Variants in TMEM45B observed in about 807,000 individuals in gnomAD.
TMEM45B encodes transmembrane protein 45B.
Under a neutral mutation model 27.3 loss-of-function variants are expected in TMEM45B, and 29 were observed. The ratio of observed to expected loss-of-function variants is 1.06; its 90% CI spans 0.79 to 1.45. The LOEUF is 1.45. Ranked by LOEUF, TMEM45B falls within the 40% of genes most tolerant of loss-of-function variation. The pLI, the probability that TMEM45B is intolerant of heterozygous loss-of-function variation, is 0.00. For missense variants in TMEM45B, 348 were observed against 343.9 expected, an observed-to-expected ratio of 1.01 and a Z score of -0.09; for synonymous variants, 143 against 134.7, an observed-to-expected ratio of 1.06 and a Z score of -0.43.
At chr11:129,822,768 T>C (rs1947433857) in intron 1 of TMEM45B, among the ~76,000 whole-genome samples, 1 of 152,176 alleles carries the variant, frequency 6.6e-6, no homozygotes, top group African/African-American at 2.4e-5. Context: ...GAAAACTCTT[T>C]GACTACATGT....
chr11:129,841,562 A>C (rs968094997), intron 1 of TMEM45B, among the ~76,000 whole-genome samples: 9 of 150,906 alleles, frequency 6.0e-5, no homozygotes, highest in African/African-American at 2.2e-4. Context: ...TTGGAAGTGT[A>C]ATGGGCTTGA....
chr11:129,837,585 C>CCTTTT (rs1947636610), intron 1 of TMEM45B, among the ~76,000 whole-genome samples: 1 of 80,294 alleles, frequency 1.2e-5, no homozygotes, highest in African/African-American at 4.3e-5. Flanking sequence ...CTGCACTGGG[C>CCTTTT]TTTTTTTTTT....
intron 1 of TMEM45B, among the ~76,000 whole-genome samples, chr11:129,835,469 A>C (rs1429752355): frequency 6.6e-6 from 1 of 152,222 alleles, no homozygotes; most frequent in Non-Finnish European, 1.5e-5. Flanking sequence ...GGACCAAAGG[A>C]GACAGAAATA....
At chr11:129,837,776 T>C (rs1226387756) in intron 1 of TMEM45B, among the ~76,000 whole-genome samples, 1 of 111,728 alleles carries the variant, frequency 9.0e-6, no homozygotes, top group African/African-American at 3.2e-5. Flanking sequence ...CAGGCTAGTT[T>C]CTTTTTTTTT....
At chr11:129,836,074 C>T (rs78817157) in intron 1 of TMEM45B, among the ~76,000 whole-genome samples, 1,556 of 151,942 alleles carry the variant, frequency 0.01, 26 homozygotes, top group African/African-American at 0.034. Flanking sequence ...GCCAAAACCG[C>T]GCCATTGCAC....
chr11:129,829,812 A>G (rs1195306933), intron 1 of TMEM45B, among the ~76,000 whole-genome samples: 2 of 152,250 alleles, frequency 1.3e-5, no homozygotes, highest in African/African-American at 4.8e-5. Flanking sequence ...TAATAGTTTA[A>G]TTAATCAGCC....
At chr11:129,818,178 C>G (rs1034968821) in intron 1 of TMEM45B, among the ~76,000 whole-genome samples, 6 of 152,212 alleles carry the variant, frequency 3.9e-5, no homozygotes, top group African/African-American at 1.4e-4. Flanking sequence ...TTCACTGAGG[C>G]TAGAAACAAA....
intron 1 of TMEM45B, among the ~76,000 whole-genome samples, chr11:129,826,216 A>G (rs1947475986): frequency 6.6e-6 from 1 of 152,176 alleles, no homozygotes; most frequent in Non-Finnish European, 1.5e-5. Flanking sequence ...TTCAGAATTC[A>G]GAAGAGCCAT....
In TMEM45B at chr11:129,854,630, G is replaced by A; in HGVS notation, c.199G>A (p.Val67Ile). ...TGCAGGGATCCTGGCAGAGCAGTTT[G>A]TTCCGGATGGGCCCCACCTGCACCT... ...SVTGILAEQF[V>I]PDGPHLHLYH... Residue 67 changes from valine to isoleucine, a missense_variant, in exon 3 of 6, where the codon GTT becomes ATT. Transcript: ENST00000281441. The A allele has an allele frequency of 6.2e-7, 1 of 1,614,202 alleles. No homozygotes were observed. Among genetic ancestry groups the A allele is most frequent in the South Asian group, 1.1e-5 (1 of 91,084 alleles).
At chr11:129,856,050 C>CT (rs1947920205) in intron 4 of TMEM45B, among the ~76,000 whole-genome samples, 158 bp downstream of exon 4, 1 of 152,124 alleles carries the variant, frequency 6.6e-6, no homozygotes, top group African/African-American at 2.4e-5. Flanking sequence ...CATGCCCGCC[C>CT]TTTGACTCCT....
At chr11:129,824,510 G>C (rs2135554910) in intron 1 of TMEM45B, among the ~76,000 whole-genome samples, 1 of 152,272 alleles carries the variant, frequency 6.6e-6, no homozygotes, top group Non-Finnish European at 1.5e-5. Context: ...TAGAAATCAA[G>C]GGACTTACCT....
rs572565750 is a variant in TMEM45B, at chr11:129,846,774, C to T, written c.-8-5701C>T. 2.1e-3 allele frequency among the ~76,000 whole-genome samples: 321 copies of T among 152,252 alleles called. 2 individuals carry two copies. The highest frequency in any genetic ancestry group is 7.0e-3 in the African/African-American group (290 of 41,546). ...GCCTCTATTGTACATGCAGGAGTCA[C>T]GGAATAAAGTGGCATTTGAACAGAG... On this transcript the variant is annotated intron_variant, in intron 1 of 5. Transcript: ENST00000281441.
chr11:129,825,713 C>G (rs563439181), intron 1 of TMEM45B, among the ~76,000 whole-genome samples: 1 of 152,144 alleles, frequency 6.6e-6, no homozygotes, highest in Admixed American at 6.5e-5. Context: ...CTGAACAAGC[C>G]CACTGGTAGT....
intron 4 of TMEM45B, 147 bp from the exon 5 acceptor site, chr11:129,857,166 A>C (rs1191910386): frequency 1.1e-6 from 1 of 907,372 alleles, no homozygotes; most frequent in Non-Finnish European, 1.7e-6. Context: ...CCATTTTTCT[A>C]TGTGAAAAGG....
In TMEM45B at chr11:129,858,689, G is replaced by T. The variant is rs529569702; in HGVS notation, c.*4G>T. The T allele has an allele frequency of 3.9e-6, 6 of 1,550,050 alleles. No individual in the cohort carries two copies. Among genetic ancestry groups the T allele is most frequent in the South Asian group, 1.2e-5 (1 of 84,130 alleles). On this transcript the variant is annotated 3_prime_UTR_variant, in exon 6 of 6. Coordinates refer to ENST00000281441, the MANE Select transcript of TMEM45B (RefSeq NM_138788.5). ...GAGTGGCTCAGATGAGGAATGAGCC[G>T]AGATGCGGAGGGCGCAGATGTCCCA...
At chr11:129,851,473 G>A (rs1947844859) in intron 1 of TMEM45B, among the ~76,000 whole-genome samples, 1 of 141,524 alleles carries the variant, frequency 7.1e-6, no homozygotes, top group Admixed American at 7.4e-5. Context: ...GAACCTGGGA[G>A]GCAGAGGTTG....
At chr11:129,836,969 AAATAT>A (rs1179181847) in intron 1 of TMEM45B, among the ~76,000 whole-genome samples, 1 of 152,136 alleles carries the variant, frequency 6.6e-6, no homozygotes, top group African/African-American at 2.4e-5. Flanking sequence ...AAACCTGTAG[AAATAT>A]AAAATCGACT....
At chr11:129,829,967 C>T (rs1947528831) in intron 1 of TMEM45B, among the ~76,000 whole-genome samples, 3 of 152,214 alleles carry the variant, frequency 2.0e-5, no homozygotes, top group Admixed American at 1.3e-4. Flanking sequence ...ATGGCTGGGA[C>T]ACTTGGATAT....
At chr11:129,842,708 C>T (rs1205441737) in intron 1 of TMEM45B, among the ~76,000 whole-genome samples, 1 of 152,026 alleles carries the variant, frequency 6.6e-6, no homozygotes, top group African/African-American at 2.4e-5. Context: ...AGAAAATATG[C>T]AGGGAAAGAT....
Sources: gnomAD v4.1 joint callset for allele counts (sites outside exome capture counted in the v4.1 genomes callset) on GRCh38, gnomAD v4.1.1 for gene constraint, MANE v1.5 for transcripts, NCBI Gene and HGNC (gene_info 2026-07-23, HGNC 2026-07-21) for gene names.